LAMB2: variants seen among roughly 807,000 people sequenced by gnomAD.
LAMB2 encodes laminin subunit beta 2.
In LAMB2, 119 loss-of-function variants were observed where a neutral mutation model predicts 202.7. That is an observed-to-expected ratio of 0.59 (90% CI 0.51 to 0.68). LAMB2 has a LOEUF of 0.68. Among genes scored for constraint, LAMB2 ranks in the 30% least tolerant of loss-of-function variants. LAMB2 has a pLI of 0.00. For missense variants in LAMB2, 2,124 were observed against 2,410.6 expected (o/e 0.88, Z 2.49); for synonymous variants, 818 against 902.2 (o/e 0.91, Z 1.67).
chr3:49,126,677 G>A (rs1289550467), intron 15 of LAMB2, among the ~76,000 whole-genome samples, 180 bp from the exon 16 acceptor site: 1 of 152,196 alleles, frequency 6.6e-6, no homozygotes, highest in Non-Finnish European at 1.5e-5. Flanking sequence ...AATCTGCACA[G>A]AATAGTCTCA....
At position 49,126,398 on chromosome 3, in the gene LAMB2, A is replaced by T; in HGVS notation, c.2118T>A (p.Thr706=). 1 of 1,614,076 alleles carries T rather than the reference A, an allele frequency of 6.2e-7. No individual in the cohort carries two copies. Among genetic ancestry groups the T allele is most frequent in the Non-Finnish European group, 8.5e-7 (1 of 1,179,996 alleles). Residue 706 remains threonine, a synonymous_variant, in exon 16 of 32, where the codon ACT becomes ACA. Transcript: ENST00000305544. ...VRTGGSAQPE[T]PYSGPGLLID... ...TGAGCAGGCCAGGTCCAGAGTAGGG[A>T]GTCTCAGGCTGGGCACTTCCCCCTG... is the stretch of plus-strand genomic sequence containing the variant.
At chr3:49,127,944 C>A (rs1257527673) in intron 15 of LAMB2, among the ~76,000 whole-genome samples, 1 of 135,054 alleles carries the variant, frequency 7.4e-6, no homozygotes, top group Non-Finnish European at 1.5e-5. Context: ...TGCTTGAACC[C>A]GGGAGGTGGA....
chr3:49,127,031 G>C (rs2045423331), intron 15 of LAMB2, among the ~76,000 whole-genome samples: 1 of 152,152 alleles, frequency 6.6e-6, no homozygotes, highest in Non-Finnish European at 1.5e-5. Context: ...TGCCCAGGAT[G>C]GATGGAGTAC....
chr3:49,125,198 C>T (rs1423779941), intron 19 of LAMB2, 29 bp from the exon 20 acceptor site: 2 of 1,613,568 alleles, frequency 1.2e-6, no homozygotes, highest in Non-Finnish European at 8.5e-7. Flanking sequence ...AGAAATGTGT[C>T]ATCCCTGGGA....
chr3:49,125,073 A>AAAGTGC lies in LAMB2; in HGVS notation c.2811_2816dup (p.His938_Phe939insLeuHis). On this transcript the variant is annotated inframe_insertion, in exon 20 of 32. Transcript: ENST00000305544. ...ATTCATCCTGGTGGCAAGAAGTAGCAAAGTGCCGTTGGCTCCCAGGGCCTT... is the reference window on the plus strand; with the variant it reads ...ATTCATCCTGGTGGCAAGAAGTAGCAAAGTGCAAGTGCCGTTGGCTCCCAGGGCCTT... 1.2e-6 allele frequency: 2 copies of AAAGTGC among 1,613,946 alleles called. No homozygotes were observed. The highest frequency in any genetic ancestry group is 1.7e-6 in the Non-Finnish European group (2 of 1,180,034).
chr3:49,128,949 A>G, intron 13 of LAMB2, 71 bp downstream of exon 13: 1 of 1,601,952 alleles, frequency 6.2e-7, no homozygotes, highest in Non-Finnish European at 8.5e-7. Flanking sequence ...GGTACTGCCC[A>G]TAACCCCACC....
chr3:49,124,725 GC>G lies in LAMB2; in HGVS notation c.3084del (p.Gln1029ArgfsTer122). The G allele has an allele frequency of 1.2e-6, 2 of 1,614,208 alleles. No individual in the cohort carries two copies. The highest frequency in any genetic ancestry group is 1.7e-6 in the Non-Finnish European group (2 of 1,180,038). On this transcript the variant is annotated frameshift_variant, in exon 21 of 32. Coordinates refer to ENST00000305544, the MANE Select transcript of LAMB2 (RefSeq NM_002292.4). LOFTEE classifies it high-confidence loss of function. The stretch of plus-strand genomic sequence containing the variant: ...CGGTGACAGCTCTGTCGGGCAGCCT[GC>G]CCATGGAAGCCAGGCTTGCAGTGGG... ...HCAHCKPGFHGQAARQSCHRC... is the reference protein window; with the variant it reads ...HCAHCKPGFHXQAARQSCHRC...
Position 49,124,804 on chromosome 3 carries a change from G to T in LAMB2, c.3006C>A (p.Pro1002=), listed in dbSNP as rs1131798. The change falls in exon 21 of 32, where the codon CCC becomes CCA. Residue 1002 remains proline, a synonymous_variant. Transcript: ENST00000305544. ...IDPMDPDACD[P]HTGQCLRCLH... Reference sequence around the variant, plus strand: ...AACAGCGCAGGCATTGCCCCGTGTGGGGGTCACAGGCATCAGGATCCATTG... The same window carrying T: ...AACAGCGCAGGCATTGCCCCGTGTGTGGGTCACAGGCATCAGGATCCATTG... 6.2e-7 allele frequency: 1 copy of T among 1,614,196 alleles called. No homozygotes were observed. The highest frequency in any genetic ancestry group is 1.1e-5 in the South Asian group (1 of 91,090).
rs1234264345 is a variant in LAMB2 at position 49,121,574 on chromosome 3, C to T, written c.5119G>A (p.Gly1707Ser). ...GCCTTCACCGTCTGGTACTGATCAC[C>T]CAGAGGACCGCGTAGCAGCTGCAGA... is the stretch of plus-strand genomic sequence containing the variant. ...EAEQLLRGPL[G>S]DQYQTVKALA... The change falls in exon 31 of 32, where the codon GGT (glycine) becomes AGT (serine). Residue 1707 changes from glycine (G) to serine (S), a missense_variant. Coordinates refer to ENST00000305544, the MANE Select transcript of LAMB2 (RefSeq NM_002292.4). 1.2e-6 allele frequency: 2 copies of T among 1,613,876 alleles called. No homozygotes were observed. The highest frequency in any genetic ancestry group is 2.2e-5 in the East Asian group (1 of 44,900).
In LAMB2 at chr3:49,123,882, C is replaced by A. The variant is rs1429512357; in HGVS notation, c.3643G>T (p.Ala1215Ser). The change falls in exon 24 of 32, where the codon GCG becomes TCG. Residue 1215 changes from alanine (A) to serine (S), a missense_variant. Transcript: ENST00000305544. ...ACACCCGTCTGTTGCAACTCCTGCGCCCGCTGCTCTAGGCGCTGTGTACGG... is the reference window on the plus strand; with the variant it reads ...ACACCCGTCTGTTGCAACTCCTGCGACCGCTGCTCTAGGCGCTGTGTACGG... ...AARTQRLEQR[A>S]QELQQTGVLG... The A allele has an allele frequency of 6.2e-7, 1 of 1,613,516 alleles. No individual in the cohort carries two copies. The highest frequency in any genetic ancestry group is 2.2e-5 in the East Asian group (1 of 44,886).
chr3:49,121,961 CTG>C lies in LAMB2; in HGVS notation c.4904_4905del (p.Thr1635ArgfsTer23), dbSNP rs2107628870. ...IRGAVADTRD[T>X]EQTLYQVQER... Reference sequence around the variant, plus strand: ...GACCTCACCTGGTACAGGGTCTGCTCTGTGTCCCGTGTGTCAGCCACTGCCCC... The same window carrying C: ...GACCTCACCTGGTACAGGGTCTGCTCTGTCCCGTGTGTCAGCCACTGCCCC... On this transcript the variant is annotated frameshift_variant, in exon 29 of 32. Coordinates refer to ENST00000305544, the MANE Select transcript of LAMB2 (RefSeq NM_002292.4). LOFTEE classifies it high-confidence loss of function. 1 of 1,614,034 alleles carries C rather than the reference CTG, an allele frequency of 6.2e-7. No individual in the cohort carries two copies. The highest frequency in any genetic ancestry group is 2.2e-5 in the East Asian group (1 of 44,894).
Position 49,129,872 on chromosome 3 carries a change from CAA to C in LAMB2, c.1370_1371del (p.Phe457TrpfsTer6). On this transcript the variant is annotated frameshift_variant, in exon 10 of 32. Transcript: ENST00000305544. LOFTEE classifies it high-confidence loss of function. This position sits in a 1 kb window ranked among gnomAD's most constrained non-coding sequence, Gnocchi z 6.1. ...TRCQQCRDGF[F>X]GLSISDRLGC... The stretch of plus-strand genomic sequence containing the variant: ...CCCAGACGGTCACTGATGCTGAGCC[CAA>C]AGAAGCCATCACGGCATTGCTGGCA... The C allele has an allele frequency of 6.2e-7, 1 of 1,613,852 alleles. No homozygotes were observed. Among genetic ancestry groups the C allele is most frequent in the Non-Finnish European group, 8.5e-7 (1 of 1,180,034 alleles).
At position 49,130,003 on chromosome 3, in the gene LAMB2, G is replaced by A; in HGVS notation, c.1241C>T (p.Pro414Leu). The A allele has an allele frequency of 6.2e-7, 1 of 1,614,032 alleles. No homozygotes were observed. Among genetic ancestry groups the A allele is most frequent in the Non-Finnish European group, 8.5e-7 (1 of 1,180,018 alleles). Residue 414 changes from proline (P) to leucine (L), a missense_variant, in exon 10 of 32, where the codon CCC becomes CTC. By Grantham distance (98) the Pro-to-Leu change is moderately conservative. Around this residue, in one of 3 missense-constraint regions of LAMB2, gnomAD observed 1,702 missense variants for 1,896.3 expected, o/e 0.90. Transcript: ENST00000305544. The surrounding 1 kb of genome is among the most constrained non-coding windows in gnomAD (Gnocchi z 5.0). ...GCGACCACCGTCTTGAGAACCCATG[G>A]GGTCACAATCACAGGCTGACGGCAA... ...PAVCRSCDCD[P>L]MGSQDGGRCD...
intron 21 of LAMB2, 43 bp downstream of exon 21, chr3:49,124,658 G>A (rs1225223545): frequency 1.2e-6 from 2 of 1,613,732 alleles, no homozygotes; most frequent in South Asian, 2.2e-5. Flanking sequence ...AGGCCAAGAA[G>A]CAGAACCCCA....
chr3:49,123,008 A>G lies in LAMB2; in HGVS notation c.4269T>C (p.Cys1423=), dbSNP rs1321436377. The change falls in exon 27 of 32, where the codon TGT becomes TGC. Residue 1423 remains cysteine, a synonymous_variant. Coordinates refer to ENST00000305544, the MANE Select transcript of LAMB2 (RefSeq NM_002292.4). ...PGDAPCATSP[C]GGAGCRDEDG... ...CCTCATCTCGACAGCCGGCACCCCC[A>G]CAAGGGCTTGTAGCACAGGGTGCAT... The G allele has an allele frequency of 6.2e-7, 1 of 1,608,608 alleles. No individual in the cohort carries two copies.
At chr3:49,125,542 G>A in intron 18 of LAMB2, 58 bp from the exon 19 acceptor site, 1 of 1,442,938 alleles carries the variant, frequency 6.9e-7, no homozygotes, top group Non-Finnish European at 9.5e-7. Context: ...GGGAGTGTGG[G>A]TGGGGGAGGG....
rs373002075 is a variant in LAMB2 at position 49,124,581 on chromosome 3, C to T, written c.3141G>A (p.Pro1047=). Residue 1047 remains proline (P), a synonymous_variant, in exon 22 of 32, where the codon CCG becomes CCA. Coordinates refer to ENST00000305544, the MANE Select transcript of LAMB2 (RefSeq NM_002292.4). ...ACTGGTCAGGAGATGGGCACTGCTG[C>T]GGATTTGTGCCCAGCAGGTTGCATG... ...RCTCNLLGTN[P]QQCPSPDQCH... The T allele has an allele frequency of 4.0e-5, 65 of 1,613,582 alleles. No individual in the cohort carries two copies. Among genetic ancestry groups the T allele is most frequent in the South Asian group, 6.6e-5 (6 of 91,048 alleles).
chr3:49,130,837 T>C lies in LAMB2; in HGVS notation c.939A>G (p.Lys313=). The part of the protein sequence containing the change: ...EGMVHGACIC[K]HNTRGLNCEQ... ...CGCAGTTGAGGCCACGTGTGTTGTG[T>C]TTGCAGATGCAAGCTCCGTGCACCT... The change falls in exon 8 of 32, where the codon AAA becomes AAG. Residue 313 remains lysine (K), a synonymous_variant. Transcript: ENST00000305544. This position sits in a 1 kb window ranked among gnomAD's most constrained non-coding sequence, Gnocchi z 5.0. 1 of 1,614,160 alleles carries C rather than the reference T, an allele frequency of 6.2e-7. No individual in the cohort carries two copies. The highest frequency in any genetic ancestry group is 8.5e-7 in the Non-Finnish European group (1 of 1,180,004).
chr3:49,128,376 G>A lies in LAMB2; in HGVS notation c.2018+82C>T, dbSNP rs566355985. 182 of 1,525,294 alleles carry A rather than the reference G, an allele frequency of 1.2e-4. No individual in the cohort carries two copies. The African/African-American group carries it at 2.2e-3, about 19-fold the overall frequency. 94.5% of individuals were successfully genotyped at this position (1,525,294 alleles called of 1,614,324 possible). On this transcript the variant is annotated intron_variant, in intron 15 of 31. Transcript: ENST00000305544. ...GAAGGAACAGATGAATGAGCTGTGG[G>A]GTCTTCCAGGTGCCCTGCAGGGAGC...
Sources: gnomAD v4.1 joint callset for allele counts (sites outside exome capture counted in the v4.1 genomes callset) on GRCh38, gnomAD v4.1.1 for gene constraint, gnomAD v4.1.1 regional missense constraint, Gnocchi (gnomAD v3.1) non-coding constraint, MANE v1.5 for transcripts, NCBI Gene and HGNC (gene_info 2026-07-23, HGNC 2026-07-21) for gene names.